CDK19: variants seen among roughly 807,000 people sequenced by gnomAD.
The protein encoded by CDK19 is cyclin dependent kinase 19, also known as cyclin-dependent kinase 19.
A neutral mutation model predicts 68.3 loss-of-function variants in CDK19; 20 were observed. The ratio of observed to expected loss-of-function variants is 0.29; its 90% CI spans 0.21 to 0.43. The LOEUF is 0.43. Ranked by LOEUF, CDK19 falls within the 20% of genes least tolerant of loss-of-function variation. CDK19 has a pLI of 1.00. For missense variants in CDK19, 339 were observed against 623.5 expected, an observed-to-expected ratio of 0.54 and a Z score of 4.86; for synonymous variants, 221 against 222.8, an observed-to-expected ratio of 0.99 and a Z score of 0.07.
rs577917237 is a variant in CDK19, at chr6:110,740,711, G to A, written c.204+5415C>T. ...GAAATGTTCATTCCTAATTATTTCC[G>A]CCTTAAAATCCTCTCAGCTATGTGT... is the stretch of plus-strand genomic sequence containing the variant. On this transcript the variant is annotated intron_variant, in intron 2 of 12. Coordinates refer to ENST00000368911, the MANE Select transcript of CDK19 (RefSeq NM_015076.5). 3.9e-5 allele frequency among the ~76,000 whole-genome samples: 6 copies of A among 152,072 alleles called. No individual in the cohort carries two copies. In the South Asian group the frequency reaches 6.2e-4, roughly 16 times the overall value.
intron 2 of CDK19, among the ~76,000 whole-genome samples, chr6:110,692,303 AAAAG>A (rs1386980735): frequency 9.2e-5 from 14 of 152,028 alleles, no homozygotes; most frequent in Middle Eastern, 6.8e-3. Flanking sequence ...AAAAAAAAAA[AAAAG>A]AAAGAAAGAC....
At chr6:110,743,117 G>A (rs940735581) in intron 2 of CDK19, among the ~76,000 whole-genome samples, 8 of 152,092 alleles carry the variant, frequency 5.3e-5, no homozygotes, top group African/African-American at 7.2e-5. Context: ...AAGAACATAC[G>A]TTGAAATATT....
intron 1 of CDK19, among the ~76,000 whole-genome samples, chr6:110,789,653 T>G (rs1157642374): frequency 6.6e-6 from 1 of 152,080 alleles, no homozygotes; most frequent in Non-Finnish European, 1.5e-5. Context: ...TAAGGAATTC[T>G]TCCAGCTTGG....
At chr6:110,798,591 C>T (rs2115100945) in intron 1 of CDK19, among the ~76,000 whole-genome samples, 1 of 143,638 alleles carries the variant, frequency 7.0e-6, no homozygotes, top group South Asian at 2.2e-4. Context: ...CGACATCGCA[C>T]TCCAGCCTGG....
At chr6:110,723,609 C>A (rs1375639939) in intron 2 of CDK19, among the ~76,000 whole-genome samples, 2 of 152,144 alleles carry the variant, frequency 1.3e-5, no homozygotes, top group African/African-American at 4.8e-5. Context: ...AATAAAATTA[C>A]ATACGGATTT....
intron 5 of CDK19, 80 bp from the exon 6 acceptor site, chr6:110,632,241 A>G: frequency 1.8e-6 from 2 of 1,111,892 alleles, no homozygotes; most frequent in Non-Finnish European, 2.6e-6. Flanking sequence ...TGTAAAATTC[A>G]GTTTGACATG....
chr6:110,655,222 CG>C (rs1418007578), intron 4 of CDK19, among the ~76,000 whole-genome samples: 1 of 151,534 alleles, frequency 6.6e-6, no homozygotes, highest in Non-Finnish European at 1.5e-5. Context: ...AAAAATCAGT[CG>C]GGCATGGTGG....
Position 110,647,530 on chromosome 6 carries a change from C to T in CDK19, c.457-8824G>A, listed in dbSNP as rs1780686340. On this transcript the variant is annotated intron_variant, in intron 4 of 12. Coordinates refer to ENST00000368911, the MANE Select transcript of CDK19 (RefSeq NM_015076.5). ...AGAGGACAGAAAAATCTAAAAATCCCATGAATAACTTCATATCTATTAATT... is the reference window on the plus strand; with the variant it reads ...AGAGGACAGAAAAATCTAAAAATCCTATGAATAACTTCATATCTATTAATT... 2.0e-5 allele frequency among the ~76,000 whole-genome samples: 3 copies of T among 152,206 alleles called. No homozygotes were observed. In the South Asian group the frequency reaches 6.2e-4, roughly 32 times the overall value.
At chr6:110,623,678 G>A (rs1306000740) in intron 8 of CDK19, among the ~76,000 whole-genome samples, 1 of 150,994 alleles carries the variant, frequency 6.6e-6, no homozygotes, top group African/African-American at 2.4e-5. Context: ...AGATGATTTT[G>A]TACATGTATA....
Position 110,815,217 on chromosome 6 carries a change from C to G in CDK19, c.-81G>C. The G allele has an allele frequency of 7.2e-7, 1 of 1,395,418 alleles. No homozygotes were observed. The highest frequency in any genetic ancestry group is 9.3e-7 in the Non-Finnish European group (1 of 1,072,918). The allele number at this position is 1,395,418 out of a possible 1,614,324, so 86.4% of individuals were successfully genotyped here. A position where few individuals can be genotyped will look rare whatever the true frequency, so the allele number is the denominator to read the frequency against. ...CCTCCTCCTCCCCCCGCGACCGCCG[C>G]TCCACTTCTCCAACAGCCGCCTCTC... is the stretch of plus-strand genomic sequence containing the variant. On this transcript the variant is annotated 5_prime_UTR_variant, in exon 1 of 13. Coordinates refer to ENST00000368911, the MANE Select transcript of CDK19 (RefSeq NM_015076.5).
At chr6:110,795,732 A>G (rs574020553) in intron 1 of CDK19, among the ~76,000 whole-genome samples, 3 of 152,336 alleles carry the variant, frequency 2.0e-5, no homozygotes, top group Admixed American at 6.5e-5. Context: ...AGTATTACAC[A>G]TATTATCAAA....
chr6:110,667,197 A>G (rs1781997989), intron 4 of CDK19, among the ~76,000 whole-genome samples: 1 of 152,212 alleles, frequency 6.6e-6, no homozygotes, highest in African/African-American at 2.4e-5. Context: ...TTTGTTCAAA[A>G]TCACACTGAT....
chr6:110,692,033 T>C (rs1582875668), intron 2 of CDK19, among the ~76,000 whole-genome samples: 2 of 151,356 alleles, frequency 1.3e-5, no homozygotes, highest in Non-Finnish European at 2.9e-5. Flanking sequence ...CGGTGGCTCA[T>C]GCCTGTAATC....
intron 5 of CDK19, 128 bp from the exon 6 acceptor site, chr6:110,632,289 G>A (rs926468670): frequency 6.0e-6 from 4 of 666,250 alleles, no homozygotes; most frequent in Non-Finnish European, 7.5e-6. Flanking sequence ...AATAGCTGCT[G>A]ACCTTATAAA....
intron 1 of CDK19, chr6:110,814,570 C>T (rs1466572795): frequency 2.2e-6 from 1 of 457,218 alleles, no homozygotes; most frequent in Admixed American, 2.3e-5. Flanking sequence ...GGTTTCAAAC[C>T]GCCGCCCCCG....
chr6:110,662,095 G>A (rs1038512247), intron 4 of CDK19, among the ~76,000 whole-genome samples: 1 of 151,976 alleles, frequency 6.6e-6, no homozygotes, highest in Non-Finnish European at 1.5e-5. Flanking sequence ...TCAGCCTCCC[G>A]AGTAGCTGAG....
chr6:110,786,304 T>C (rs1317077165), intron 1 of CDK19, among the ~76,000 whole-genome samples: 3 of 152,196 alleles, frequency 2.0e-5, no homozygotes, highest in African/African-American at 7.2e-5. Context: ...TGGTGTGCCA[T>C]CTATTAGGTC....
At position 110,626,834 on chromosome 6, in the gene CDK19, C is replaced by G; in HGVS notation, c.802G>C (p.Glu268Gln). ...TATTCTGGCATCTTTCTAATATCTT[C>G]CCAGTCTTTATCTTACAAAAAAATT... ...VMGFPADKDW[E>Q]DIRKMPEYPT... is the part of the protein sequence containing the mutation. The change falls in exon 8 of 13, where the codon GAA becomes CAA. Residue 268 changes from glutamate (E) to glutamine (Q), a missense_variant. By Grantham distance (29) the Glu-to-Gln change is conservative. This residue lies in a region of CDK19 where 63 missense variants were observed against 156.5 expected (regional missense o/e 0.40). Coordinates refer to ENST00000368911, the MANE Select transcript of CDK19 (RefSeq NM_015076.5). 6.4e-7 allele frequency: 1 copy of G among 1,566,564 alleles called. No individual in the cohort carries two copies. The highest frequency in any genetic ancestry group is 8.7e-7 in the Non-Finnish European group (1 of 1,149,406).
At chr6:110,650,044 A>G (rs904053814) in intron 4 of CDK19, among the ~76,000 whole-genome samples, 3 of 151,650 alleles carry the variant, frequency 2.0e-5, no homozygotes, top group Admixed American at 6.6e-5. Context: ...ATTTTAAAAC[A>G]GCAATAAAAA....
Sources: allele counts gnomAD v4.1 joint callset (sites outside exome capture counted in the v4.1 genomes callset), GRCh38; gene constraint gnomAD v4.1.1; regional missense constraint gnomAD v4.1.1; transcripts MANE v1.5; gene names NCBI Gene and HGNC (gene_info 2026-07-23, HGNC 2026-07-21).